Variants in MRPL37 observed in about 807,000 individuals in gnomAD.
The protein encoded by MRPL37 is large ribosomal subunit protein mL37.
MRPL37 carries 34 observed loss-of-function variants against 44.1 expected under a neutral mutation model. The observed-to-expected ratio is 0.77, with a 90% CI of 0.59 to 1.03. MRPL37 has a LOEUF of 1.03. Among genes scored for constraint, MRPL37 ranks in the 50% least tolerant of loss-of-function variants. The probability of loss-of-function intolerance (pLI) is 0.00; values close to 1 mark genes in which losing one functional copy is unlikely to be tolerated. For missense variants in MRPL37, 532 were observed against 543.7 expected (o/e 0.98, Z 0.21); for synonymous variants, 212 against 219.5 (o/e 0.97, Z 0.30).
chr1:54,216,270 G>T lies in MRPL37; in HGVS notation c.1120G>T (p.Ala374Ser). Residue 374 changes from alanine (A) to serine (S), a missense_variant, in exon 6 of 7, where the codon GCC (alanine) becomes TCC (serine). Coordinates refer to ENST00000360840, the MANE Select transcript of MRPL37 (RefSeq NM_016491.4). ...CTGTAACGAGGGTGTCAAGAATTTGGCCTGGGTGGACTCAGACCAGCTCCT... is the reference window on the plus strand; with the variant it reads ...CTGTAACGAGGGTGTCAAGAATTTGTCCTGGGTGGACTCAGACCAGCTCCT... ...LDCNEGVKNL[A>S]WVDSDQLLYQ... is the part of the protein sequence containing the mutation. The T allele has an allele frequency of 6.2e-7, 1 of 1,614,180 alleles. No individual in the cohort carries two copies. The highest frequency in any genetic ancestry group is 8.5e-7 in the Non-Finnish European group (1 of 1,180,038).
chr1:54,204,341 T>C (rs1644105812), intron 1 of MRPL37, among the ~76,000 whole-genome samples: 1 of 151,928 alleles, frequency 6.6e-6, no homozygotes, highest in African/African-American at 2.4e-5. Flanking sequence ...GAGATCATGC[T>C]GCTCAGTCAT....
downstream of MRPL37, among the ~76,000 whole-genome samples, chr1:54,224,567 C>T (rs1020685067): frequency 1.2e-4 from 19 of 152,194 alleles, no homozygotes; most frequent in Non-Finnish European, 1.8e-4. Context: ...AAGATTTAAA[C>T]CTGGGAATTT....
intron 3 of MRPL37, among the ~76,000 whole-genome samples, chr1:54,208,813 G>A (rs567571433): frequency 4.6e-5 from 7 of 152,234 alleles, no homozygotes; most frequent in African/African-American, 1.7e-4. Context: ...ATTTGGCAGT[G>A]TGTGGAGACA....
rs34183071 is a variant in MRPL37 at position 54,215,595 on chromosome 1, G to A, written c.991-546G>A. ...AGGCCCTTAGAAGCAAGGCAGGGGC[G>A]TGGGGGAAGGGTGTGGTCTGGCATG... On this transcript the variant is annotated intron_variant, in intron 5 of 6. Transcript: ENST00000360840. Among the ~76,000 whole-genome samples the A allele has an allele frequency of 4.2e-3, 644 of 152,280 alleles. 4 individuals carry two copies. Among genetic ancestry groups the A allele is most frequent in the African/African-American group, 0.015 (620 of 41,574 alleles).
intron 5 of MRPL37, among the ~76,000 whole-genome samples, chr1:54,212,924 T>G (rs749357782): frequency 2.6e-5 from 4 of 152,208 alleles, no homozygotes; most frequent in Non-Finnish European, 5.9e-5. Flanking sequence ...GCCATAGAAT[T>G]ACAGGGAGGC....
chr1:54,200,709 A>G (rs1644073864), intron 1 of MRPL37, 120 bp downstream of exon 1: 2 of 1,128,290 alleles, frequency 1.8e-6, no homozygotes, highest in Admixed American at 2.8e-5. Context: ...CGTCTGCGAA[A>G]TGGGGCCGTA....
chr1:54,224,312 TCTCCTAGATCCTCCCAGCTACTC>T (rs1468668154), downstream of MRPL37, among the ~76,000 whole-genome samples: 1 of 152,162 alleles, frequency 6.6e-6, no homozygotes, highest in Non-Finnish European at 1.5e-5. Flanking sequence ...CCAGATGGAA[TCTCCTAGATCCTCCCAGCTACTC>T]CCCAACACAC....
chr1:54,218,374 T>C lies in MRPL37; in HGVS notation c.*125T>C, dbSNP rs967916782. On this transcript the variant is annotated 3_prime_UTR_variant, in exon 7 of 7. Coordinates refer to ENST00000360840, the MANE Select transcript of MRPL37 (RefSeq NM_016491.4). ...TCGCTGACAATAAAGAGCCCTTGCG[T>C]TGCACTGAAGCCTGTGTTTGGTATG... 7.5e-5 allele frequency: 117 copies of C among 1,556,524 alleles called. No homozygotes were observed. Among genetic ancestry groups the C allele is most frequent in the Admixed American group, 1.9e-5 (1 of 51,434 alleles).
chr1:54,212,778 A>C, intron 5 of MRPL37, 120 bp downstream of exon 5: 1 of 1,396,460 alleles, frequency 7.2e-7, no homozygotes, highest in Non-Finnish European at 9.8e-7. Context: ...GAGGAGTTTT[A>C]GGGAGGAGTA....
At chr1:54,222,356 T>TGGGG (rs200211781), downstream of MRPL37, among the ~76,000 whole-genome samples, 3 of 151,224 alleles carry the variant, frequency 2.0e-5, no homozygotes, top group Admixed American at 1.3e-4. Context: ...ACAAAGGCCC[T>TGGGG]GGGGGGGCAG....
chr1:54,213,370 C>G (rs1222978527), intron 5 of MRPL37, among the ~76,000 whole-genome samples: 1 of 152,144 alleles, frequency 6.6e-6, no homozygotes, highest in Non-Finnish European at 1.5e-5. Flanking sequence ...AGAGCCACTG[C>G]TGGACCCCCA....
intron 1 of MRPL37, among the ~76,000 whole-genome samples, chr1:54,202,116 C>T (rs1472727045): frequency 2.0e-5 from 3 of 152,022 alleles, no homozygotes; most frequent in Non-Finnish European, 4.4e-5. Flanking sequence ...GATCTCCCAC[C>T]TCAGCTTCCT....
chr1:54,206,999 C>G (rs897795226), intron 3 of MRPL37, among the ~76,000 whole-genome samples: 1 of 152,158 alleles, frequency 6.6e-6, no homozygotes, highest in Non-Finnish European at 1.5e-5. Flanking sequence ...GCAATCCACC[C>G]GCCTTGGCCT....
downstream of MRPL37, chr1:54,221,032 A>T (rs1644230264): frequency 5.6e-6 from 2 of 357,070 alleles, no homozygotes; most frequent in Non-Finnish European, 1.1e-5. Context: ...GCCCTGTCAG[A>T]TCCTCCACTT....
At chr1:54,222,358 G>A (rs1037738563), downstream of MRPL37, among the ~76,000 whole-genome samples, 3 of 152,170 alleles carry the variant, frequency 2.0e-5, no homozygotes, top group Non-Finnish European at 2.9e-5. Context: ...AAAGGCCCTG[G>A]GGGGGCAGAC....
Position 54,212,527 on chromosome 1 carries a change from T to A in MRPL37, c.859T>A (p.Tyr287Asn). 1 of 1,614,182 alleles carries A rather than the reference T, an allele frequency of 6.2e-7. No individual in the cohort carries two copies. Among genetic ancestry groups the A allele is most frequent in the East Asian group, 2.2e-5 (1 of 44,882 alleles). The change falls in exon 5 of 7, where the codon TAT becomes AAT. Residue 287 changes from tyrosine (Y) to asparagine (N), a missense_variant. Physicochemically the swap from Tyr to Asn is moderately radical, Grantham distance 143 (BLOSUM62 -2). Coordinates refer to ENST00000360840, the MANE Select transcript of MRPL37 (RefSeq NM_016491.4). ...TGFQEGYPYP[Y>N]PHTLYLLDKA... ...ATTCCAGGAAGGCTATCCTTACCCC[T>A]ATCCCCATACCCTGTACTTACTGGA...
chr1:54,216,368 G>T, intron 6 of MRPL37, 24 bp downstream of exon 6: 1 of 1,610,412 alleles, frequency 6.2e-7, no homozygotes, highest in South Asian at 1.1e-5. Flanking sequence ...TCTCCTGCCT[G>T]ACCCAGGAGG....
downstream of MRPL37, among the ~76,000 whole-genome samples, chr1:54,221,819 A>G (rs1553180025): frequency 6.6e-6 from 1 of 152,110 alleles, no homozygotes; most frequent in Non-Finnish European, 1.5e-5. Context: ...CTCACCGTAG[A>G]CCTCCTTTGG....
In MRPL37 at chr1:54,215,597, G is replaced by C. The variant is rs34703816; in HGVS notation, c.991-544G>C. Among the ~76,000 whole-genome samples the C allele has an allele frequency of 2.4e-4, 36 of 152,258 alleles. No individual in the cohort carries two copies. The East Asian group carries it at 6.6e-3, about 28-fold the overall frequency. On this transcript the variant is annotated intron_variant, in intron 5 of 6. Transcript: ENST00000360840. The stretch of plus-strand genomic sequence containing the variant: ...GCCCTTAGAAGCAAGGCAGGGGCGT[G>C]GGGGAAGGGTGTGGTCTGGCATGAG...
Sources: allele counts gnomAD v4.1 joint callset (sites outside exome capture counted in the v4.1 genomes callset), GRCh38; gene constraint gnomAD v4.1.1; transcripts MANE v1.5; gene names NCBI Gene and HGNC (gene_info 2026-07-23, HGNC 2026-07-21).